IL12RB2: variants seen among roughly 807,000 people sequenced by gnomAD.
IL12RB2 encodes the protein interleukin 12 receptor subunit beta 2.
In IL12RB2, 82 loss-of-function variants were observed where a neutral mutation model predicts 89.4. The observed-to-expected ratio is 0.92, with a 90% CI of 0.77 to 1.10. The LOEUF (loss-of-function observed/expected upper bound fraction) is 1.10, where lower values mean the gene tolerates loss of function less well. Among genes scored for constraint, IL12RB2 ranks in the 50% least tolerant of loss-of-function variants. The pLI, the probability that IL12RB2 is intolerant of heterozygous loss-of-function variation, is 0.00. For synonymous variants in IL12RB2, 368 were observed against 370.1 expected (o/e 0.99, Z 0.07); for missense variants, 963 against 1,031.9 (o/e 0.93, Z 0.92).
chr1:67,335,495 T>C (rs1028968985), intron 8 of IL12RB2, among the ~76,000 whole-genome samples: 1 of 152,240 alleles, frequency 6.6e-6, no homozygotes. Flanking sequence ...CTTTTTCATA[T>C]TGGTGGCTTC....
In IL12RB2 at chr1:67,341,421, GGGAA is replaced by G. The variant is rs377180799; in HGVS notation, c.1038+2738_1038+2741del. 2.8e-3 allele frequency among the ~76,000 whole-genome samples: 416 copies of G among 147,982 alleles called. 1 individual carries two copies. Among genetic ancestry groups the G allele is most frequent in the African/African-American group, 9.4e-3 (380 of 40,314 alleles). On this transcript the variant is annotated intron_variant, in intron 9 of 16. Transcript: ENST00000674203. The stretch of plus-strand genomic sequence containing the variant: ...GTGACAGAGCAAGACAAAGAAGGAA[GGGAA>G]GGAAGGAAGGAAGGAAGGATGGAAG...
In IL12RB2 at chr1:67,346,449, C is replaced by A. The variant is rs12565702; in HGVS notation, c.1039-4421C>A. ...TCACCCAGGTTGGAGTGCAGTGGTGCGATATTAGCTCACTGCAACCTCTGC... is the reference window on the plus strand; with the variant it reads ...TCACCCAGGTTGGAGTGCAGTGGTGAGATATTAGCTCACTGCAACCTCTGC... On this transcript the variant is annotated intron_variant, in intron 9 of 16. Transcript: ENST00000674203. 3.7e-5 allele frequency among the ~76,000 whole-genome samples: 5 copies of A among 133,852 alleles called. No homozygotes were observed. The South Asian group carries it at 9.5e-4, about 25-fold the overall frequency. The allele number at this position is 133,852 out of a possible 152,430, so 87.8% of individuals were successfully genotyped here.
chr1:67,353,865 GGT>G (rs1287583512), intron 10 of IL12RB2, among the ~76,000 whole-genome samples: 1 of 152,110 alleles, frequency 6.6e-6, no homozygotes, highest in Non-Finnish European at 1.5e-5. Context: ...TGGGTCTTGA[GGT>G]TTTAAACCTC....
chr1:67,322,436 CAAAAAAAAAAA>C (rs56249028), intron 4 of IL12RB2, among the ~76,000 whole-genome samples: 2 of 127,252 alleles, frequency 1.6e-5, no homozygotes, highest in Admixed American at 7.9e-5. Context: ...CTGACTCCAG[CAAAAAAAAAAA>C]AAAAAAAAAA....
At chr1:67,347,020 T>C (rs113095332) in intron 9 of IL12RB2, among the ~76,000 whole-genome samples, 3 of 152,300 alleles carry the variant, frequency 2.0e-5, no homozygotes, top group Admixed American at 6.5e-5. Flanking sequence ...CCTTAACTCA[T>C]TGAATGCTCC....
chr1:67,376,517 A>T (rs1248859815), intron 13 of IL12RB2, among the ~76,000 whole-genome samples: 4 of 152,122 alleles, frequency 2.6e-5, no homozygotes. Context: ...ACCGCCAAGG[A>T]TTGAATGGCC....
intron 13 of IL12RB2, among the ~76,000 whole-genome samples, chr1:67,378,460 C>T (rs1235325685): frequency 1.3e-5 from 2 of 152,086 alleles, no homozygotes; most frequent in African/African-American, 2.4e-5. Flanking sequence ...AGTATCGGTG[C>T]TCTAGTTTTT....
At chr1:67,339,748 G>A (rs888783221) in intron 9 of IL12RB2, among the ~76,000 whole-genome samples, 4 of 152,084 alleles carry the variant, frequency 2.6e-5, no homozygotes, top group Admixed American at 6.5e-5. Context: ...ATGAAAAAAC[G>A]AGTATCAGAG....
chr1:67,382,160 T>C (rs12405981), intron 14 of IL12RB2, among the ~76,000 whole-genome samples: 71,217 of 152,056 alleles, frequency 0.47, 18,832 homozygotes, highest in Non-Finnish European at 0.58. Context: ...GGTGGGAGGA[T>C]TGATTGAACA....
At chr1:67,345,210 G>A (rs1163654824) in intron 9 of IL12RB2, among the ~76,000 whole-genome samples, 2 of 152,080 alleles carry the variant, frequency 1.3e-5, no homozygotes, top group African/African-American at 2.4e-5. Flanking sequence ...TCCAAAAGTG[G>A]GGAAAAGATT....
At chr1:67,387,598 G>A (rs1305675534) in intron 15 of IL12RB2, among the ~76,000 whole-genome samples, 1 of 151,410 alleles carries the variant, frequency 6.6e-6, no homozygotes, top group African/African-American at 2.4e-5. Context: ...CTGAGACTCA[G>A]GAGGCTAAGG....
intron 14 of IL12RB2, among the ~76,000 whole-genome samples, chr1:67,385,174 T>A (rs973908668): frequency 6.6e-6 from 1 of 152,214 alleles, no homozygotes; most frequent in African/African-American, 2.4e-5. Context: ...GGGTAATTTA[T>A]AAAGGAAAGA....
At chr1:67,311,868 T>C (rs1260959222) in intron 1 of IL12RB2, among the ~76,000 whole-genome samples, 1 of 152,166 alleles carries the variant, frequency 6.6e-6, no homozygotes, top group Non-Finnish European at 1.5e-5. Flanking sequence ...TGCAATTATC[T>C]TAATATGTTA....
intron 10 of IL12RB2, 70 bp downstream of exon 10, chr1:67,351,159 G>T: frequency 1.9e-6 from 3 of 1,576,842 alleles, no homozygotes; most frequent in Non-Finnish European, 2.6e-6. Flanking sequence ...TCTCCTGCAG[G>T]CCCAACCCAG....
chr1:67,356,364 G>A lies in IL12RB2; in HGVS notation c.1258+5275G>A, dbSNP rs906981900. Reference sequence around the variant, plus strand: ...GCTGCCCAGGAATCTCTATGATGGGGTAGGAAATTCTGGGGAGCAGTGCAG... The same window carrying A: ...GCTGCCCAGGAATCTCTATGATGGGATAGGAAATTCTGGGGAGCAGTGCAG... On this transcript the variant is annotated intron_variant, in intron 10 of 16. Transcript: ENST00000674203. Among the ~76,000 whole-genome samples, 6 of 152,218 alleles carry A rather than the reference G, an allele frequency of 3.9e-5. 1 individual carries two copies. The highest frequency in any genetic ancestry group is 2.0e-4 in the Admixed American group (3 of 15,270).
At chr1:67,322,009 T>C in intron 4 of IL12RB2, 120 bp downstream of exon 4, 1 of 867,320 alleles carries the variant, frequency 1.2e-6, no homozygotes, top group South Asian at 1.3e-5. Context: ...TCCCACCACA[T>C]TGAAGTATTT....
At chr1:67,393,657 T>C (rs1230097245) in intron 16 of IL12RB2, among the ~76,000 whole-genome samples, 1 of 152,194 alleles carries the variant, frequency 6.6e-6, no homozygotes, top group Non-Finnish European at 1.5e-5. Context: ...TGGAAATCTG[T>C]TCTGAGACAG....
chr1:67,360,782 GA>G (rs1207521075), intron 10 of IL12RB2, among the ~76,000 whole-genome samples: 1 of 146,834 alleles, frequency 6.8e-6, no homozygotes, highest in Non-Finnish European at 1.5e-5. Context: ...GGTGACAGAG[GA>G]AAACTCCGTC....
At chr1:67,329,783 C>A in intron 7 of IL12RB2, 54 bp downstream of exon 7, 1 of 1,191,832 alleles carries the variant, frequency 8.4e-7, no homozygotes, top group South Asian at 1.2e-5. Context: ...AATATTGCTG[C>A]GCAGACCTCT....
Sources: allele counts gnomAD v4.1 joint callset (sites outside exome capture counted in the v4.1 genomes callset), GRCh38; gene constraint gnomAD v4.1.1; transcripts MANE v1.5; gene names NCBI Gene and HGNC (gene_info 2026-07-23, HGNC 2026-07-21).